Variants in GLS observed in about 807,000 individuals in gnomAD.
The protein encoded by GLS is glutaminase kidney isoform, mitochondrial.
A neutral mutation model predicts 86.7 loss-of-function variants in GLS; 36 were observed. That is an observed-to-expected ratio of 0.42 (90% CI 0.32 to 0.55). The LOEUF is 0.55. GLS is among the 20% of genes least tolerant of loss of function. GLS has a pLI of 0.17. For synonymous variants in GLS, 317 were observed against 305.9 expected (o/e 1.04, Z -0.38); for missense variants, 528 against 833.4 (o/e 0.63, Z 4.51).
chr2:190,911,972 A>C (rs946064023), intron 7 of GLS, among the ~76,000 whole-genome samples: 2 of 152,120 alleles, frequency 1.3e-5, no homozygotes, highest in African/African-American at 4.8e-5. Flanking sequence ...CTTTCATTTA[A>C]TGATTCATGG....
At chr2:190,957,889 C>T (rs897412024) in intron 17 of GLS, among the ~76,000 whole-genome samples, 2 of 152,126 alleles carry the variant, frequency 1.3e-5, no homozygotes, top group Admixed American at 6.5e-5. Context: ...GTGTCTCTGC[C>T]AGGTTTTGGT....
rs879775418 is a variant in GLS, at chr2:190,962,172, C to G, written c.1854-658C>G. Among the ~76,000 whole-genome samples, 1 of 152,180 alleles carries G rather than the reference C, an allele frequency of 6.6e-6. No homozygotes were observed. Among genetic ancestry groups the G allele is most frequent in the Non-Finnish European group, 1.5e-5 (1 of 68,040 alleles). On this transcript the variant is annotated intron_variant, in intron 17 of 17. Transcript: ENST00000320717. This position sits in a 1 kb window ranked among gnomAD's most constrained non-coding sequence, Gnocchi z 4.2. ...TCCTTGAATATTCATCTACATCACT[C>G]TAAACAGCACAGCCCCAGAAGCATG...
chr2:190,880,901 C>A lies in GLS; in HGVS notation c.-184C>A. 1 of 919,962 alleles carries A rather than the reference C, an allele frequency of 1.1e-6. No homozygotes were observed. Among genetic ancestry groups the A allele is most frequent in the Non-Finnish European group, 1.7e-6 (1 of 598,422 alleles). 57.0% of individuals were successfully genotyped at this position (919,962 alleles called of 1,614,324 possible). On this transcript the variant is annotated 5_prime_UTR_variant, in exon 1 of 18. Transcript: ENST00000320717. ...GCAGCAGCAGCAGCAGCAGCAGCAG[C>A]AGCAGCAGCAGCAGCAGCACCCGCA... is the stretch of plus-strand genomic sequence containing the variant.
Position 190,924,602 on chromosome 2 carries a change from AT to A in GLS, c.1248+11del. The A allele has an allele frequency of 7.1e-7, 1 of 1,413,778 alleles. No homozygotes were observed. Among genetic ancestry groups the A allele is most frequent in the Non-Finnish European group, 1.0e-6 (1 of 997,176 alleles). The allele number at this position is 1,413,778 out of a possible 1,614,324, so 87.6% of individuals were successfully genotyped here. A position where few individuals can be genotyped will look rare whatever the true frequency, so the allele number is the denominator to read the frequency against. On this transcript the variant is annotated intron_variant, in intron 11 of 17. Transcript: ENST00000320717. This position sits in a 1 kb window ranked among gnomAD's most constrained non-coding sequence, Gnocchi z 5.2. ...TAGACTTCTACTTCCAGGTAATCTAATTATGTAAATCGTATATATAAATGGA... is the reference window on the plus strand; with the variant it reads ...TAGACTTCTACTTCCAGGTAATCTAATATGTAAATCGTATATATAAATGGA...
In GLS at chr2:190,963,897, T is replaced by C. The variant is rs138710631; in HGVS notation, c.*911T>C. Reference sequence around the variant, plus strand: ...GAAGGGATGTGCAACTGCAGCTCTTTAAGAAGTTTTTTTTTTTTAGCTTCT... The same window carrying C: ...GAAGGGATGTGCAACTGCAGCTCTTCAAGAAGTTTTTTTTTTTTAGCTTCT... On this transcript the variant is annotated 3_prime_UTR_variant, in exon 18 of 18. Transcript: ENST00000320717. 1.7e-3 allele frequency: 263 copies of C among 151,894 alleles called. No individual in the cohort carries two copies. Among genetic ancestry groups the C allele is most frequent in the African/African-American group, 5.8e-3 (241 of 41,300 alleles). The allele number at this position is 151,894 out of a possible 1,614,324, so 9.4% of individuals were successfully genotyped here.
rs1193348376 is a variant in GLS at position 190,953,235 on chromosome 2, T to C, written c.1651-330T>C. Reference sequence around the variant, plus strand: ...CAGACTTCCTCACAATATTGAGACATAGAAAATGGGAAGGCTTCTAAACAA... The same window carrying C: ...CAGACTTCCTCACAATATTGAGACACAGAAAATGGGAAGGCTTCTAAACAA... On this transcript the variant is annotated intron_variant, in intron 14 of 17. Transcript: ENST00000320717. This position sits in a 1 kb window ranked among gnomAD's most constrained non-coding sequence, Gnocchi z 4.0. Among the ~76,000 whole-genome samples, 2 of 152,242 alleles carry C rather than the reference T, an allele frequency of 1.3e-5. No individual in the cohort carries two copies. The highest frequency in any genetic ancestry group is 2.4e-5 in the African/African-American group (1 of 41,472).
intron 7 of GLS, among the ~76,000 whole-genome samples, chr2:190,917,880 G>A (rs1010936266): frequency 1.3e-5 from 2 of 151,880 alleles, no homozygotes; most frequent in Non-Finnish European, 2.9e-5. Flanking sequence ...CTTGAGCCCA[G>A]GAGTTCAAAC....
At chr2:190,946,095 C>T (rs1690570936) in intron 14 of GLS, among the ~76,000 whole-genome samples, 1 of 151,982 alleles carries the variant, frequency 6.6e-6, no homozygotes, top group South Asian at 2.1e-4. Flanking sequence ...TTTTTTTTTA[C>T]ACATCCTTAA....
rs576588464 is a variant in GLS at position 190,946,360 on chromosome 2, T to C, written c.1651-7205T>C. ...TGGAGTGAAGCCTTTAAAACAAAAT[T>C]GGATCTGGAGTCATGATGGTTTATT... is the stretch of plus-strand genomic sequence containing the variant. On this transcript the variant is annotated intron_variant, in intron 14 of 17. Transcript: ENST00000320717. Among the ~76,000 whole-genome samples, 71 of 152,190 alleles carry C rather than the reference T, an allele frequency of 4.7e-4. 1 individual carries two copies. Among genetic ancestry groups the C allele is most frequent in the Non-Finnish European group, 8.8e-4 (60 of 68,024 alleles).
At chr2:190,928,733 G>T in intron 12 of GLS, among the ~76,000 whole-genome samples, 1 of 136,114 alleles carries the variant, frequency 7.3e-6, no homozygotes, top group Non-Finnish European at 1.6e-5. Context: ...TAAATCTATT[G>T]GTCTTCTTTT....
Position 190,895,864 on chromosome 2 carries a change from A to G in GLS, c.605+139A>G, listed in dbSNP as rs1050667254. On this transcript the variant is annotated intron_variant, in intron 3 of 17. Coordinates refer to ENST00000320717, the MANE Select transcript of GLS (RefSeq NM_014905.5). The surrounding 1 kb of genome is among the most constrained non-coding windows in gnomAD (Gnocchi z 4.2). ...GGATTTATAAACATCATTTGTTTGA[A>G]GAACTTGGTACATATTAGGTTCTAT... 1.7e-6 allele frequency: 1 copy of G among 595,254 alleles called. No individual in the cohort carries two copies. The allele number at this position is 595,254 out of a possible 1,614,324, so 36.9% of individuals were successfully genotyped here.
intron 6 of GLS, among the ~76,000 whole-genome samples, chr2:190,907,720 A>G (rs1397466469): frequency 6.6e-6 from 1 of 152,216 alleles, no homozygotes; most frequent in African/African-American, 2.4e-5. Flanking sequence ...GATCGGGTTA[A>G]TCAACAAATT....
chr2:190,926,790 T>C (rs1295757166), intron 11 of GLS, among the ~76,000 whole-genome samples: 1 of 152,224 alleles, frequency 6.6e-6, no homozygotes, highest in Non-Finnish European at 1.5e-5. Context: ...TTCCCCTTTT[T>C]CCTTTGCCTG....
intron 1 of GLS, 149 bp downstream of exon 1, chr2:190,881,619 T>C (rs1374173013): frequency 4.0e-6 from 3 of 743,332 alleles, no homozygotes; most frequent in Non-Finnish European, 6.2e-6. Context: ...GTCTGCGCCA[T>C]GTGATTAGGC....
rs1688792346 is a variant in GLS at position 190,897,665 on chromosome 2, TTCTTTTC to T, written c.605+1944_605+1950del. ...TGGAAAGGTGATTGCTTCAGAGATG[TTCTTTTC>T]TCTGTTTTCAAATATAAGAAGTTAC... On this transcript the variant is annotated intron_variant, in intron 3 of 17. Coordinates refer to ENST00000320717, the MANE Select transcript of GLS (RefSeq NM_014905.5). This position sits in a 1 kb window ranked among gnomAD's most constrained non-coding sequence, Gnocchi z 4.3. Among the ~76,000 whole-genome samples, 1 of 152,208 alleles carries T rather than the reference TTCTTTTC, an allele frequency of 6.6e-6. No homozygotes were observed. The highest frequency in any genetic ancestry group is 6.5e-5 in the Admixed American group (1 of 15,282).
In GLS at chr2:190,911,596, G is replaced by T. The variant is rs559052117; in HGVS notation, c.1038+1275G>T. Among the ~76,000 whole-genome samples the T allele has an allele frequency of 3.3e-4, 50 of 152,130 alleles. 1 individual carries two copies. Among genetic ancestry groups the T allele is most frequent in the Non-Finnish European group, 5.4e-4 (37 of 67,926 alleles). ...TTTAGGTAGCTTACTTTGTAGTGTG[G>T]GATATGCAAAAGTAAATGGGTCCTT... On this transcript the variant is annotated intron_variant, in intron 7 of 17. Coordinates refer to ENST00000320717, the MANE Select transcript of GLS (RefSeq NM_014905.5).
chr2:190,952,986 A>G (rs1177111486), intron 14 of GLS, among the ~76,000 whole-genome samples: 3 of 152,220 alleles, frequency 2.0e-5, no homozygotes, highest in African/African-American at 7.2e-5. Flanking sequence ...TTTTAAACAC[A>G]GCAGTGTCAT....
intron 1 of GLS, among the ~76,000 whole-genome samples, chr2:190,892,304 A>G (rs948001233): frequency 1.3e-5 from 2 of 152,180 alleles, no homozygotes; most frequent in African/African-American, 4.8e-5. Flanking sequence ...GAAGAAGTAA[A>G]AAGGTGAGAA....
intron 1 of GLS, among the ~76,000 whole-genome samples, chr2:190,887,830 C>T (rs560374418): frequency 1.1e-4 from 17 of 152,232 alleles, no homozygotes; most frequent in African/African-American, 3.9e-4. Context: ...GTGGTACATT[C>T]ATATGAGGGT....
Sources: gnomAD v4.1 joint callset for allele counts (sites outside exome capture counted in the v4.1 genomes callset) on GRCh38, gnomAD v4.1.1 for gene constraint, Gnocchi (gnomAD v3.1) non-coding constraint, MANE v1.5 for transcripts, NCBI Gene and HGNC (gene_info 2026-07-23, HGNC 2026-07-21) for gene names.